Variants in EFCAB13 observed in about 807,000 individuals in gnomAD.
EFCAB13 encodes the protein EF-hand calcium binding domain 13, also known as EF-hand calcium-binding domain-containing protein 13.
A neutral mutation model predicts 110.2 loss-of-function variants in EFCAB13; 91 were observed. The observed-to-expected ratio is 0.83, with a 90% CI of 0.70 to 0.98. The LOEUF is 0.98. Ranked by LOEUF, EFCAB13 falls within the 50% of genes least tolerant of loss-of-function variation. EFCAB13 has a pLI of 0.00. For synonymous variants in EFCAB13, 323 were observed against 369.9 expected (o/e 0.87, Z 1.45); for missense variants, 968 against 1,119.4 (o/e 0.86, Z 1.93).
chr17:47,365,163 A>C (rs753875911), intron 10 of EFCAB13, among the ~76,000 whole-genome samples: 2 of 152,204 alleles, frequency 1.3e-5, no homozygotes, highest in African/African-American at 4.8e-5. Context: ...GCATCAGGTG[A>C]GCAGATATCA....
Position 47,344,165 on chromosome 17 carries a change from A to T in EFCAB13, c.307A>T (p.Ile103Phe). ...VQQHSKRTEIIPPFLKLSKEK... is the reference protein window; with the variant it reads ...VQQHSKRTEIFPPFLKLSKEK... Reference sequence around the variant, plus strand: ...ACATACTTGCATTTGGCTCTAGATTATCCCTCCTTTTCTGAAGCTGTCAAA... The same window carrying T: ...ACATACTTGCATTTGGCTCTAGATTTTCCCTCCTTTTCTGAAGCTGTCAAA... Residue 103 changes from isoleucine (I) to phenylalanine (F), a missense_variant, in exon 7 of 25, where the codon ATC becomes TTC. Transcript: ENST00000331493. 6.2e-7 allele frequency: 1 copy of T among 1,612,574 alleles called. No homozygotes were observed. Among genetic ancestry groups the T allele is most frequent in the South Asian group, 1.1e-5 (1 of 90,954 alleles).
intron 23 of EFCAB13, among the ~76,000 whole-genome samples, chr17:47,417,503 G>A (rs1467222611): frequency 6.6e-6 from 1 of 152,192 alleles, no homozygotes; most frequent in Non-Finnish European, 1.5e-5. Flanking sequence ...CTACCCGATT[G>A]TCTAATGTCA....
chr17:47,404,861 T>A (rs188858783), intron 20 of EFCAB13, among the ~76,000 whole-genome samples: 21 of 152,282 alleles, frequency 1.4e-4, no homozygotes, highest in African/African-American at 5.1e-4. Context: ...AACAAGAGTA[T>A]GATCTTTTCC....
chr17:47,333,228 G>A (rs192154467), intron 4 of EFCAB13, among the ~76,000 whole-genome samples: 3 of 152,172 alleles, frequency 2.0e-5, no homozygotes, highest in African/African-American at 7.2e-5. Context: ...TAGGCCATTC[G>A]TATGTCTTCT....
chr17:47,409,439 C>A, intron 20 of EFCAB13: 1 of 499,242 alleles, frequency 2.0e-6, no homozygotes, highest in Non-Finnish European at 3.7e-6. Context: ...GGAAGATAAC[C>A]ATGAAGGAGC....
chr17:47,390,948 C>CT (rs762499981), intron 14 of EFCAB13, among the ~76,000 whole-genome samples: 19 of 150,520 alleles, frequency 1.3e-4, no homozygotes, highest in African/African-American at 4.4e-4. Context: ...ATCTATCTAT[C>CT]ATATATTTTT....
intron 11 of EFCAB13, among the ~76,000 whole-genome samples, chr17:47,374,205 AC>A (rs1187452553): frequency 1.3e-5 from 2 of 152,154 alleles, no homozygotes; most frequent in African/African-American, 4.8e-5. Flanking sequence ...AGAACCATAT[AC>A]TTCATTAGGC....
Position 47,431,793 on chromosome 17 carries a change from A to T in EFCAB13, c.2638+1832A>T, listed in dbSNP as rs1288062732. On this transcript the variant is annotated intron_variant, in intron 24 of 24. Transcript: ENST00000331493. The surrounding 1 kb of genome is among the most constrained non-coding windows in gnomAD (Gnocchi z 4.1). Reference sequence around the variant, plus strand: ...AGATCAGATTTATTGTCAAATTCAAATTTTTTTATATTCTTACTGATGTTT... The same window carrying T: ...AGATCAGATTTATTGTCAAATTCAATTTTTTTTATATTCTTACTGATGTTT... 1.3e-5 allele frequency among the ~76,000 whole-genome samples: 2 copies of T among 152,114 alleles called. No homozygotes were observed. Among genetic ancestry groups the T allele is most frequent in the Non-Finnish European group, 2.9e-5 (2 of 68,008 alleles).
chr17:47,414,267 G>T (rs1904353827), intron 22 of EFCAB13, among the ~76,000 whole-genome samples: 1 of 152,164 alleles, frequency 6.6e-6, no homozygotes, highest in South Asian at 2.1e-4. Context: ...GCGTGTGTGT[G>T]TGTGTACATG....
chr17:47,369,196 G>A (rs1023810751), intron 10 of EFCAB13, among the ~76,000 whole-genome samples: 4 of 152,192 alleles, frequency 2.6e-5, no homozygotes, highest in African/African-American at 9.7e-5. Context: ...CTGGATGACT[G>A]AAGTTTAAAT....
At chr17:47,438,342 A>C (rs562792425) in intron 24 of EFCAB13, among the ~76,000 whole-genome samples, 29 of 152,214 alleles carry the variant, frequency 1.9e-4, no homozygotes, top group African/African-American at 6.5e-4. Flanking sequence ...AGCATCTTGG[A>C]TATCAAGGCC....
chr17:47,396,856 T>C (rs191418583), intron 17 of EFCAB13, among the ~76,000 whole-genome samples: 175 of 152,296 alleles, frequency 1.1e-3, no homozygotes, highest in South Asian at 6.0e-3. Flanking sequence ...CCCAATAATA[T>C]AGATTTTCTT....
At chr17:47,329,575 T>C (rs761970298) in intron 4 of EFCAB13, among the ~76,000 whole-genome samples, 11 of 152,214 alleles carry the variant, frequency 7.2e-5, no homozygotes, top group Non-Finnish European at 1.6e-4. Context: ...AAACTGATTT[T>C]GAAGATGAAT....
chr17:47,401,687 C>T (rs2065779921), intron 17 of EFCAB13, among the ~76,000 whole-genome samples: 1 of 147,986 alleles, frequency 6.8e-6, no homozygotes, highest in Non-Finnish European at 1.5e-5. Flanking sequence ...CTTTGTCGCC[C>T]AGGCTGGAGT....
At chr17:47,422,790 T>TA (rs1167696324) in intron 23 of EFCAB13, among the ~76,000 whole-genome samples, 6 of 152,210 alleles carry the variant, frequency 3.9e-5, no homozygotes, top group Admixed American at 3.9e-4. Flanking sequence ...GTAGTTTCAA[T>TA]ATGCTTTCAG....
rs753279544 is a variant in EFCAB13, at chr17:47,374,893, GC to G, written c.1301del (p.Pro434GlnfsTer3). 6.2e-7 allele frequency: 1 copy of G among 1,609,790 alleles called. No homozygotes were observed. Among genetic ancestry groups the G allele is most frequent in the African/African-American group, 1.3e-5 (1 of 74,686 alleles). On this transcript the variant is annotated frameshift_variant, in exon 12 of 25. Transcript: ENST00000331493. LOFTEE classifies it high-confidence loss of function. ...DISSIPKLQKPAVRKHSSLQK... is the reference protein window; with the variant it reads ...DISSIPKLQKXAVRKHSSLQK... ...TTTCTAGTATCCCAAAACTTCAGAA[GC>G]CAGCTGTAAGAAAGCATTCCAGTCT...
At chr17:47,413,493 G>A (rs905221146) in intron 22 of EFCAB13, among the ~76,000 whole-genome samples, 6 of 152,056 alleles carry the variant, frequency 3.9e-5, no homozygotes, top group East Asian at 1.9e-4. Context: ...GGTTTTTGGC[G>A]AACTTTTATT....
intron 14 of EFCAB13, among the ~76,000 whole-genome samples, chr17:47,382,922 T>C (rs2065655200): frequency 6.6e-6 from 1 of 152,176 alleles, no homozygotes. Context: ...CTGGGCTTTT[T>C]TTGGTTGGTA....
chr17:47,425,235 C>T (rs1904911684), intron 23 of EFCAB13, among the ~76,000 whole-genome samples: 1 of 152,050 alleles, frequency 6.6e-6, no homozygotes, highest in African/African-American at 2.4e-5. Context: ...ACTGTATGAC[C>T]TTGATGTAAA....
Sources: gnomAD v4.1 joint callset for allele counts (sites outside exome capture counted in the v4.1 genomes callset) on GRCh38, gnomAD v4.1.1 for gene constraint, Gnocchi (gnomAD v3.1) non-coding constraint, MANE v1.5 for transcripts, NCBI Gene and HGNC (gene_info 2026-07-23, HGNC 2026-07-21) for gene names.